The following TNRC6B variants were observed in gnomAD, a reference collection of about 807,000 sequenced individuals.
TNRC6B encodes trinucleotide repeat-containing gene 6B protein.
TNRC6B carries 52 observed loss-of-function variants against 203.6 expected under a neutral mutation model. The observed-to-expected ratio is 0.26, with a 90% CI of 0.20 to 0.32. The LOEUF is 0.32. TNRC6B is among the 10% of genes least tolerant of loss of function. TNRC6B has a pLI of 1.00. For missense variants in TNRC6B, 1,923 were observed against 2,286.2 expected (o/e 0.84, Z 3.24); for synonymous variants, 838 against 845.7 (o/e 0.99, Z 0.16).
At chr22:40,081,045 G>A (rs1470622669) in intron 1 of TNRC6B, among the ~76,000 whole-genome samples, 1 of 151,784 alleles carries the variant, frequency 6.6e-6, no homozygotes, top group Non-Finnish European at 1.5e-5. Flanking sequence ...TAGTGTGTGG[G>A]GGGGTGCGTT....
intron 3 of TNRC6B, among the ~76,000 whole-genome samples, chr22:40,146,340 C>G (rs2068695131): frequency 6.6e-6 from 1 of 151,996 alleles, no homozygotes; most frequent in Non-Finnish European, 1.5e-5. Flanking sequence ...AGAGATGGCC[C>G]TAGAGCTGAT....
At chr22:40,283,524 C>T (rs1348864140) in intron 11 of TNRC6B, among the ~76,000 whole-genome samples, 1 of 152,146 alleles carries the variant, frequency 6.6e-6, no homozygotes, top group Non-Finnish European at 1.5e-5. Flanking sequence ...TGTATGATTG[C>T]CCCTGAATAC....
Position 40,059,747 on chromosome 22 carries a change from G to T in TNRC6B, c.-121+14749G>T, listed in dbSNP as rs146013094. ...GTCTGTTAACATGGTAAATTATTTTGACTGACTTTTGAACATTAAACAACC... is the reference window on the plus strand; with the variant it reads ...GTCTGTTAACATGGTAAATTATTTTTACTGACTTTTGAACATTAAACAACC... On this transcript the variant is annotated intron_variant, in intron 1 of 23. Transcript: ENST00000301923. Among the ~76,000 whole-genome samples the T allele has an allele frequency of 3.6e-3, 540 of 150,524 alleles. 4 individuals carry two copies. Among genetic ancestry groups the T allele is most frequent in the African/African-American group, 0.012 (503 of 41,046 alleles).
At chr22:40,195,680 C>A (rs2069328046) in intron 1 of TNRC6B, among the ~76,000 whole-genome samples, 1 of 152,252 alleles carries the variant, frequency 6.6e-6, no homozygotes, top group South Asian at 2.1e-4. Context: ...TCTCAAACTG[C>A]TGACCTCAGG....
In TNRC6B at chr22:40,099,873, C is replaced by T. The variant is rs577183123; in HGVS notation, c.-120-17182C>T. 9.2e-5 allele frequency among the ~76,000 whole-genome samples: 14 copies of T among 152,102 alleles called. No homozygotes were observed. In the East Asian group the frequency reaches 1.7e-3, roughly 19 times the overall value. Reference sequence around the variant, plus strand: ...TCACGCCATTCTCCTTCCTCAGCCTCCCGAGTAGCTGGGACTACAGGCGCC... The same window carrying T: ...TCACGCCATTCTCCTTCCTCAGCCTTCCGAGTAGCTGGGACTACAGGCGCC... On this transcript the variant is annotated intron_variant, in intron 1 of 23. Coordinates refer to the TNRC6B transcript ENST00000301923.
At chr22:40,080,555 A>G (rs1409551785) in intron 1 of TNRC6B, among the ~76,000 whole-genome samples, 2 of 152,084 alleles carry the variant, frequency 1.3e-5, no homozygotes, top group African/African-American at 4.8e-5. Flanking sequence ...TTACATCTGC[A>G]CTCAGCTGCC....
At chr22:40,312,704 G>A (rs544972781) in intron 18 of TNRC6B, 53 bp downstream of exon 18, 4 of 1,568,948 alleles carry the variant, frequency 2.5e-6, no homozygotes, top group Admixed American at 3.8e-5. Flanking sequence ...TTTCATAGTT[G>A]TCAGTTTGTG....
intron 22 of TNRC6B, chr22:40,321,540 C>A (rs905727182): frequency 4.8e-5 from 12 of 250,096 alleles, no homozygotes; most frequent in Non-Finnish European, 9.5e-5. Flanking sequence ...GTAATCCCAG[C>A]ACTTTGGGAG....
intron 21 of TNRC6B, among the ~76,000 whole-genome samples, chr22:40,316,977 G>T (rs754136541): frequency 6.6e-6 from 1 of 152,152 alleles, no homozygotes; most frequent in Admixed American, 6.5e-5. Flanking sequence ...TAGTAGACAC[G>T]ATTTGCTATA....
At chr22:40,098,030 A>G (rs2068199051) in intron 1 of TNRC6B, among the ~76,000 whole-genome samples, 1 of 152,034 alleles carries the variant, frequency 6.6e-6, no homozygotes, top group Non-Finnish European at 1.5e-5. Flanking sequence ...AACTTTAAAT[A>G]AATACATTTG....
In TNRC6B at chr22:40,044,938, G is replaced by A. The variant is rs376183082; in HGVS notation, c.-181G>A. On this transcript the variant is annotated 5_prime_UTR_variant, in exon 1 of 24. Transcript: ENST00000301923. ...CGCCTCCATAGTCTGCGGAGAAGCG[G>A]AGACTGCGCGCCTCGCCTCACAGCG... The A allele has an allele frequency of 7.2e-5, 11 of 152,456 alleles. No individual in the cohort carries two copies. In the South Asian group the frequency reaches 1.7e-3, roughly 23 times the overall value. The allele number at this position is 152,456 out of a possible 1,614,324, so 9.4% of individuals were successfully genotyped here.
intron 1 of TNRC6B, among the ~76,000 whole-genome samples, chr22:40,189,951 C>T (rs1406528127): frequency 6.6e-6 from 1 of 152,104 alleles, no homozygotes; most frequent in Non-Finnish European, 1.5e-5. Flanking sequence ...AGAATAAGAG[C>T]CGTCTCATTA....
intron 1 of TNRC6B, among the ~76,000 whole-genome samples, chr22:40,048,326 G>A (rs1478243112): frequency 6.6e-6 from 1 of 152,178 alleles, no homozygotes; most frequent in Admixed American, 6.5e-5. Context: ...GGATCACGAG[G>A]TCAGGAGATC....
At chr22:40,303,047 T>C (rs1601506974) in intron 15 of TNRC6B, among the ~76,000 whole-genome samples, 4 of 55,992 alleles carry the variant, frequency 7.1e-5, no homozygotes. Context: ...CTTCTTCTTC[T>C]TTTTTTTTTT....
rs1372720672 is a variant in TNRC6B at position 40,328,410 on chromosome 22, G to A, written c.*5169G>A. ...TATAGAAGGTATGCAAGAGGAAAAA[G>A]AAAGGAAAAGATAAAACTCCTGCCT... On this transcript the variant is annotated 3_prime_UTR_variant, in exon 23 of 23. Transcript: ENST00000454349. 6.6e-6 allele frequency: 1 copy of A among 152,184 alleles called. No individual in the cohort carries two copies. The highest frequency in any genetic ancestry group is 6.5e-5 in the Admixed American group (1 of 15,284). The allele number at this position is 152,184 out of a possible 1,614,324, so 9.4% of individuals were successfully genotyped here.
intron 1 of TNRC6B, among the ~76,000 whole-genome samples, chr22:40,091,629 G>T (rs1049349514): frequency 6.6e-6 from 1 of 152,166 alleles, no homozygotes; most frequent in Non-Finnish European, 1.5e-5. Flanking sequence ...AAATATATTA[G>T]AGATAGGTAT....
At chr22:40,215,882 T>C (rs1314590192) in intron 1 of TNRC6B, among the ~76,000 whole-genome samples, 1 of 152,254 alleles carries the variant, frequency 6.6e-6, no homozygotes, top group African/African-American at 2.4e-5. Flanking sequence ...CAGCTTCTCC[T>C]TCATACATGC....
chr22:40,286,493 C>T (rs968380014), intron 12 of TNRC6B, among the ~76,000 whole-genome samples: 9 of 151,428 alleles, frequency 5.9e-5, no homozygotes, highest in Non-Finnish European at 1.2e-4. Flanking sequence ...GGTTATAGAG[C>T]GAGACTCCAT....
intron 8 of TNRC6B, 26 bp downstream of exon 8, chr22:40,277,177 T>G: frequency 6.4e-7 from 1 of 1,561,180 alleles, no homozygotes; most frequent in Admixed American, 1.8e-5. Flanking sequence ...TTCAAATGTA[T>G]AACGTATCCC....
Sources: allele counts gnomAD v4.1 joint callset (sites outside exome capture counted in the v4.1 genomes callset), GRCh38; gene constraint gnomAD v4.1.1; transcripts MANE v1.5; gene names NCBI Gene and HGNC (gene_info 2026-07-23, HGNC 2026-07-21).